Variants in ABCA13 observed in about 807,000 individuals in gnomAD.
ABCA13 encodes ATP-binding cassette sub-family A member 13.
In ABCA13, 476 loss-of-function variants were observed where a neutral mutation model predicts 478.7. The ratio of observed to expected loss-of-function variants is 0.99; its 90% CI spans 0.92 to 1.07. The LOEUF (loss-of-function observed/expected upper bound fraction) is 1.07, where lower values mean the gene tolerates loss of function less well. ABCA13 is among the 50% of genes least tolerant of loss of function. ABCA13 has a pLI of 0.00. For synonymous variants in ABCA13, 2,252 were observed against 2,158.9 expected, an observed-to-expected ratio of 1.04 and a Z score of -1.20; for missense variants, 6,060 against 5,910.6, an observed-to-expected ratio of 1.03 and a Z score of -0.83.
chr7:48,179,358 C>T (rs914830488), intron 1 of ABCA13, among the ~76,000 whole-genome samples: 4 of 152,196 alleles, frequency 2.6e-5, no homozygotes, highest in Admixed American at 6.5e-5. Flanking sequence ...AAACCTTACC[C>T]GAGGTCAGCT....
intron 19 of ABCA13, among the ~76,000 whole-genome samples, chr7:48,282,958 C>T (rs1440599222): frequency 1.3e-5 from 2 of 152,172 alleles, no homozygotes; most frequent in Non-Finnish European, 2.9e-5. Flanking sequence ...GTGCCAGAAG[C>T]TCTTCTATAC....
intron 6 of ABCA13, among the ~76,000 whole-genome samples, chr7:48,228,920 A>C (rs1347492156): frequency 2.6e-5 from 4 of 152,228 alleles, no homozygotes; most frequent in African/African-American, 9.6e-5. Flanking sequence ...TTGTTGAACC[A>C]TATCAGCTTC....
chr7:48,644,378 C>T (rs1795298912), intron 60 of ABCA13, among the ~76,000 whole-genome samples: 1 of 152,166 alleles, frequency 6.6e-6, no homozygotes, highest in Non-Finnish European at 1.5e-5. Context: ...CTTCCCCATG[C>T]TGTTGCAAGG....
chr7:48,492,581 C>G lies in ABCA13; in HGVS notation c.13291+3237C>G, dbSNP rs114032561. ...AGTGTAACAGTGTTGGGAGGAGGAA[C>G]CTTTGAGAGGTGCTTGGGTCATGAG... On this transcript the variant is annotated intron_variant, in intron 48 of 61. Transcript: ENST00000435803. Among the ~76,000 whole-genome samples the G allele has an allele frequency of 8.3e-3, 1,256 of 152,206 alleles. 13 individuals carry two copies. The highest frequency in any genetic ancestry group is 0.028 in the African/African-American group (1,181 of 41,532).
At chr7:48,320,398 T>C (rs964155315) in intron 27 of ABCA13, among the ~76,000 whole-genome samples, 1 of 152,374 alleles carries the variant, frequency 6.6e-6, no homozygotes, top group African/African-American at 2.4e-5. Flanking sequence ...CAAGGTGCTA[T>C]AGCTGTCTTA....
intron 3 of ABCA13, 144 bp downstream of exon 3, chr7:48,198,504 G>A: frequency 9.9e-7 from 1 of 1,005,716 alleles, no homozygotes; most frequent in Non-Finnish European, 1.4e-6. Context: ...TAAATTCAGA[G>A]TCATATAATT....
intron 9 of ABCA13, 42 bp downstream of exon 9, chr7:48,239,447 G>T: frequency 6.5e-7 from 1 of 1,537,816 alleles, no homozygotes; most frequent in Non-Finnish European, 8.8e-7. Context: ...AGGTGTGCCA[G>T]TTTGAGTGTC....
At chr7:48,636,162 T>A (rs566646348) in intron 59 of ABCA13, among the ~76,000 whole-genome samples, 5 of 152,298 alleles carry the variant, frequency 3.3e-5, no homozygotes, top group African/African-American at 1.2e-4. Context: ...TTTATAGTAT[T>A]AATTTTATTG....
intron 35 of ABCA13, among the ~76,000 whole-genome samples, chr7:48,384,263 A>C (rs1814827588): frequency 6.6e-6 from 1 of 152,306 alleles, no homozygotes; most frequent in South Asian, 2.1e-4. Flanking sequence ...TGATTTCCAC[A>C]CACTCATTGT....
chr7:48,201,030 T>A (rs949822189), intron 3 of ABCA13, among the ~76,000 whole-genome samples: 1 of 152,152 alleles, frequency 6.6e-6, no homozygotes, highest in Admixed American at 6.5e-5. Flanking sequence ...GTCCTGAGCA[T>A]CGGAGGCTCG....
At chr7:48,360,652 C>T (rs1169776566) in intron 31 of ABCA13, among the ~76,000 whole-genome samples, 2 of 151,908 alleles carry the variant, frequency 1.3e-5, no homozygotes, top group African/African-American at 2.4e-5. Flanking sequence ...TTTATGTTTT[C>T]TTTTGGGATG....
intron 3 of ABCA13, among the ~76,000 whole-genome samples, chr7:48,217,746 G>C (rs1786704314): frequency 6.6e-6 from 1 of 152,122 alleles, no homozygotes; most frequent in South Asian, 2.1e-4. Context: ...TTGGTTCCTG[G>C]CCCTTTGAAG....
chr7:48,180,855 TC>T (rs1357488392), intron 1 of ABCA13, among the ~76,000 whole-genome samples: 1 of 151,762 alleles, frequency 6.6e-6, no homozygotes, highest in African/African-American at 2.4e-5. Context: ...TTAGTCACAA[TC>T]CCCCTACAGC....
intron 31 of ABCA13, 99 bp from the exon 32 acceptor site, chr7:48,367,695 T>C (rs1440663598): frequency 8.0e-6 from 7 of 877,292 alleles, no homozygotes; most frequent in Non-Finnish European, 1.9e-6. Context: ...AAAGGAGATA[T>C]CACTCCTGAA....
At chr7:48,494,812 T>C (rs1217490561) in intron 48 of ABCA13, among the ~76,000 whole-genome samples, 1 of 152,190 alleles carries the variant, frequency 6.6e-6, no homozygotes. Context: ...GATAGAAATA[T>C]GAATTTTCAT....
chr7:48,300,133 A>G (rs6943725), intron 23 of ABCA13, among the ~76,000 whole-genome samples: 77,516 of 152,062 alleles, frequency 0.51, 20,751 homozygotes, highest in East Asian at 0.79. Context: ...TTTTAGCAGC[A>G]CCATATTATT....
At chr7:48,585,833 T>C (rs1789127895) in intron 56 of ABCA13, among the ~76,000 whole-genome samples, 1 of 152,100 alleles carries the variant, frequency 6.6e-6, no homozygotes, top group African/African-American at 2.4e-5. Context: ...GTCATAAGAG[T>C]TAAATAAAAT....
chr7:48,446,189 T>G (rs1032741654), intron 42 of ABCA13, among the ~76,000 whole-genome samples: 2 of 152,154 alleles, frequency 1.3e-5, no homozygotes, highest in Admixed American at 6.5e-5. Context: ...CAAATTTGGA[T>G]TCTAAAGACC....
chr7:48,606,105 A>C (rs766300934), intron 58 of ABCA13, among the ~76,000 whole-genome samples: 1 of 152,124 alleles, frequency 6.6e-6, no homozygotes, highest in Non-Finnish European at 1.5e-5. Context: ...TTTAGTTAGC[A>C]GTTCATCTAA....
Sources: allele counts gnomAD v4.1 joint callset (sites outside exome capture counted in the v4.1 genomes callset), GRCh38; gene constraint gnomAD v4.1.1; transcripts MANE v1.5; gene names NCBI Gene and HGNC (gene_info 2026-07-23, HGNC 2026-07-21).